The following MGAT4C variants were observed in gnomAD, a reference collection of about 807,000 sequenced individuals.
The protein encoded by MGAT4C is MGAT4 family member C.
In MGAT4C, 19 loss-of-function variants were observed where a neutral mutation model predicts 40.1. That is an observed-to-expected ratio of 0.47 (90% CI 0.33 to 0.70). The LOEUF is 0.70. MGAT4C is among the 30% of genes least tolerant of loss of function. MGAT4C has a pLI of 0.02. For synonymous variants in MGAT4C, 181 were observed against 187.1 expected (o/e 0.97, Z 0.27); for missense variants, 491 against 563.2 (o/e 0.87, Z 1.30).
intron 2 of MGAT4C, among the ~76,000 whole-genome samples, chr12:86,538,756 C>T (rs140437467): frequency 0.021 from 3,159 of 151,714 alleles, 106 homozygotes; most frequent in African/African-American, 0.072. Context: ...TACAGGCGCC[C>T]GCCACCACGC....
intron 2 of MGAT4C, among the ~76,000 whole-genome samples, chr12:86,456,058 G>T (rs997947109): frequency 2.0e-5 from 3 of 152,050 alleles, no homozygotes; most frequent in African/African-American, 7.2e-5. Context: ...ATGAGAAAGT[G>T]TTTTAATATA....
Position 86,696,596 on chromosome 12 carries a change from T to G in MGAT4C, c.-229+30613A>C, listed in dbSNP as rs541639822. Among the ~76,000 whole-genome samples, 7 of 152,320 alleles carry G rather than the reference T, an allele frequency of 4.6e-5. No individual in the cohort carries two copies. The South Asian group carries it at 1.2e-3, about 27-fold the overall frequency. ...CTGCAAATGCCAGTGCCATTTTTTA[T>G]GACCATCTCATTTGGAGGAAAGGAA... is the stretch of plus-strand genomic sequence containing the variant. On this transcript the variant is annotated intron_variant, in intron 2 of 7. Transcript: ENST00000548651.
chr12:86,261,829 T>A (rs990074230), intron 4 of MGAT4C, among the ~76,000 whole-genome samples: 5 of 152,042 alleles, frequency 3.3e-5, no homozygotes, highest in Admixed American at 2.0e-4. Flanking sequence ...AGAATGTAAA[T>A]GAAGGAAACT....
At chr12:86,793,538 C>T (rs1952062383) in intron 1 of MGAT4C, among the ~76,000 whole-genome samples, 1 of 151,708 alleles carries the variant, frequency 6.6e-6, no homozygotes, top group Admixed American at 6.6e-5. Context: ...CCAGATAAAA[C>T]CTAGATGATT....
intron 4 of MGAT4C, among the ~76,000 whole-genome samples, chr12:86,291,306 T>C (rs1364139456): frequency 1.3e-5 from 2 of 152,212 alleles, no homozygotes; most frequent in Admixed American, 6.5e-5. Flanking sequence ...GAAAGAACTC[T>C]TGGACATGAG....
At chr12:86,012,780 C>CAA (rs774917113) in intron 2 of MGAT4C, among the ~76,000 whole-genome samples, 21,382 of 122,648 alleles carry the variant, frequency 0.17, 1,911 homozygotes, top group African/African-American at 0.29. Context: ...ACAACAACAA[C>CAA]CACCACCACC....
chr12:86,160,261 C>A, intron 1 of MGAT4C, among the ~76,000 whole-genome samples: 1 of 151,920 alleles, frequency 6.6e-6, no homozygotes. Context: ...ATTTCAAAGA[C>A]TTTTTTATTT....
chr12:86,448,549 C>T (rs937330505), intron 2 of MGAT4C, among the ~76,000 whole-genome samples: 3 of 152,134 alleles, frequency 2.0e-5, no homozygotes, highest in Non-Finnish European at 2.9e-5. Flanking sequence ...GAAAGTAAAG[C>T]TATGAGAGCA....
chr12:86,491,881 G>T (rs1404122655), intron 2 of MGAT4C, among the ~76,000 whole-genome samples: 1 of 152,130 alleles, frequency 6.6e-6, no homozygotes, highest in Non-Finnish European at 1.5e-5. Context: ...CGACATGACT[G>T]TATATCTAGA....
chr12:86,366,281 G>C (rs190906783), intron 3 of MGAT4C, among the ~76,000 whole-genome samples: 5 of 152,264 alleles, frequency 3.3e-5, no homozygotes, highest in Admixed American at 3.3e-4. Flanking sequence ...TCAGTTCCAG[G>C]AGCAGAGTTT....
At chr12:86,102,048 GAAATA>G (rs1487627961) in intron 1 of MGAT4C, among the ~76,000 whole-genome samples, 1 of 151,788 alleles carries the variant, frequency 6.6e-6, no homozygotes, top group Admixed American at 6.6e-5. Flanking sequence ...ACAGAGAAGA[GAAATA>G]AAATAAATTA....
At chr12:86,833,845 G>A (rs1043732123) in intron 1 of MGAT4C, among the ~76,000 whole-genome samples, 1 of 151,806 alleles carries the variant, frequency 6.6e-6, no homozygotes, top group African/African-American at 2.4e-5. Flanking sequence ...AAGGGAACCA[G>A]TAGTTTCCTA....
chr12:86,547,202 C>T (rs1381575543), intron 2 of MGAT4C, among the ~76,000 whole-genome samples: 5 of 151,712 alleles, frequency 3.3e-5, no homozygotes, highest in African/African-American at 1.2e-4. Flanking sequence ...TTCTTTTTTG[C>T]TTATGCAAAG....
At position 86,505,918 on chromosome 12, in the gene MGAT4C, G is replaced by A. The variant is rs188800965; in HGVS notation, c.-228-70653C>T. Among the ~76,000 whole-genome samples the A allele has an allele frequency of 9.2e-5, 14 of 152,156 alleles. No homozygotes were observed. In the East Asian group the frequency reaches 2.1e-3, roughly 23 times the overall value. ...TTTAAATAAATCTAGATTTTAAACA[G>A]AAGAAGGCAGGAAAAGGAAAGGCAA... On this transcript the variant is annotated intron_variant, in intron 2 of 7. Transcript: ENST00000548651.
chr12:86,800,473 TTC>T (rs1374249337), intron 1 of MGAT4C, among the ~76,000 whole-genome samples: 1 of 151,840 alleles, frequency 6.6e-6, no homozygotes, highest in Non-Finnish European at 1.5e-5. Context: ...CCAGAATGGT[TTC>T]TGTTTTCATA....
At chr12:86,504,666 C>T (rs1017272163) in intron 2 of MGAT4C, among the ~76,000 whole-genome samples, 1 of 152,040 alleles carries the variant, frequency 6.6e-6, no homozygotes, top group Non-Finnish European at 1.5e-5. Context: ...AATAGGAGGA[C>T]AACATATACA....
At chr12:86,272,365 T>C (rs1263808314) in intron 4 of MGAT4C, among the ~76,000 whole-genome samples, 1 of 152,196 alleles carries the variant, frequency 6.6e-6, no homozygotes, top group East Asian at 1.9e-4. Flanking sequence ...TACACAGACA[T>C]GTATTTGAGC....
At chr12:86,455,260 C>G (rs1382558162) in intron 2 of MGAT4C, among the ~76,000 whole-genome samples, 1 of 152,034 alleles carries the variant, frequency 6.6e-6, no homozygotes, top group Non-Finnish European at 1.5e-5. Context: ...AAGTATTCAG[C>G]ACAATTCTCT....
chr12:86,021,078 T>C (rs1286736764), intron 2 of MGAT4C, among the ~76,000 whole-genome samples: 1 of 152,078 alleles, frequency 6.6e-6, no homozygotes, highest in East Asian at 1.9e-4. Flanking sequence ...CATTAAAAAG[T>C]CAGGAAACAA....
Sources: gnomAD v4.1 joint callset for allele counts (sites outside exome capture counted in the v4.1 genomes callset) on GRCh38, gnomAD v4.1.1 for gene constraint, MANE v1.5 for transcripts, NCBI Gene and HGNC (gene_info 2026-07-23, HGNC 2026-07-21) for gene names.